Variants in STAMBP observed in about 807,000 individuals in gnomAD.
STAMBP encodes the protein STAM binding protein.
Under a neutral mutation model 50.7 loss-of-function variants are expected in STAMBP, and 31 were observed. That is an observed-to-expected ratio of 0.61 (90% CI 0.46 to 0.83). STAMBP has a LOEUF of 0.83. Ranked by LOEUF, STAMBP falls within the 40% of genes least tolerant of loss-of-function variation. STAMBP has a pLI of 0.00. For missense variants in STAMBP, 472 were observed against 518.9 expected (o/e 0.91, Z 0.88); for synonymous variants, 211 against 192.4 (o/e 1.10, Z -0.80).
Position 73,863,817 on chromosome 2 carries a change from G to T in STAMBP, c.*1558G>T, listed in dbSNP as rs114449641. ...TTAGGGCTTTCTTACCTTTTATTTC[G>T]ACTGTAGCCGTTGGCTTTTACCAAG... On this transcript the variant is annotated 3_prime_UTR_variant, in exon 10 of 10. Transcript: ENST00000394070. 2,433 of 152,200 alleles carry T rather than the reference G, an allele frequency of 0.016. 30 individuals carry two copies. Among genetic ancestry groups the T allele is most frequent in the South Asian group, 0.031 (148 of 4,826 alleles). The allele number at this position is 152,200 out of a possible 1,614,324, so 9.4% of individuals were successfully genotyped here. A position where few individuals can be genotyped will look rare whatever the true frequency, so the allele number is the denominator to read the frequency against.
intron 2 of STAMBP, among the ~76,000 whole-genome samples, chr2:73,838,297 G>T (rs751848054): frequency 1.3e-5 from 2 of 152,172 alleles, no homozygotes; most frequent in Non-Finnish European, 2.9e-5. Context: ...GGATGTGACT[G>T]GTTCCAATGA....
chr2:73,852,686 T>A (rs935557018), intron 7 of STAMBP, among the ~76,000 whole-genome samples: 2 of 152,142 alleles, frequency 1.3e-5, no homozygotes, highest in Admixed American at 6.5e-5. Flanking sequence ...TCTTTTGTTT[T>A]GTTTTGTTTT....
chr2:73,835,019 C>G (rs1674541861), intron 2 of STAMBP, among the ~76,000 whole-genome samples: 1 of 152,048 alleles, frequency 6.6e-6, no homozygotes, highest in Non-Finnish European at 1.5e-5. Flanking sequence ...AGGGTAACAG[C>G]AAGCCATTGA....
chr2:73,849,215 G>T, intron 5 of STAMBP, 148 bp from the exon 6 acceptor site: 4 of 1,106,102 alleles, frequency 3.6e-6, no homozygotes, highest in African/African-American at 1.6e-5. Context: ...CCTTTTTTTG[G>T]TGCCATTAGA....
At chr2:73,873,453 A>G (rs1383495438) in exon 11 of STAMBP, 1 of 152,242 alleles carries the variant, frequency 6.6e-6, no homozygotes, top group African/African-American at 2.4e-5. Flanking sequence ...TTTCTGTATA[A>G]GCAAATTTAG....
chr2:73,859,179 G>T, intron 7 of STAMBP, 75 bp from the exon 8 acceptor site: 1 of 1,209,298 alleles, frequency 8.3e-7, no homozygotes, highest in South Asian at 1.2e-5. Flanking sequence ...TTAAACCTCA[G>T]AAAGGGAATC....
At chr2:73,833,872 C>A (rs1479173847) in intron 2 of STAMBP, among the ~76,000 whole-genome samples, 2 of 151,896 alleles carry the variant, frequency 1.3e-5, no homozygotes, top group Non-Finnish European at 1.5e-5. Context: ...ATACAGCTGA[C>A]CCCTGAACAA....
chr2:73,858,616 A>G (rs2104668260), intron 7 of STAMBP, among the ~76,000 whole-genome samples: 1 of 152,290 alleles, frequency 6.6e-6, no homozygotes, highest in Non-Finnish European at 1.5e-5. Context: ...TCAAGTGTAT[A>G]ATACATTGTG....
At chr2:73,831,106 C>A in intron 2 of STAMBP, 47 bp downstream of exon 2, 1 of 1,524,352 alleles carries the variant, frequency 6.6e-7, no homozygotes, top group Non-Finnish European at 9.1e-7. Flanking sequence ...ACTGGTGCCT[C>A]GCCTATTTGG....
chr2:73,841,519 A>G (rs995858459), intron 2 of STAMBP, among the ~76,000 whole-genome samples: 8 of 152,246 alleles, frequency 5.3e-5, no homozygotes, highest in African/African-American at 1.7e-4. Context: ...TGGACAGGAT[A>G]TCAGCCATGT....
intron 7 of STAMBP, among the ~76,000 whole-genome samples, chr2:73,855,198 G>A (rs1390297731): frequency 3.3e-5 from 5 of 152,174 alleles, no homozygotes; most frequent in Non-Finnish European, 1.5e-5. Context: ...ATGTTTCAGC[G>A]CTATCTGAGC....
intron 2 of STAMBP, among the ~76,000 whole-genome samples, chr2:73,843,402 GTATGTATATATATA>G (rs1036786584): frequency 4.9e-5 from 6 of 121,802 alleles, no homozygotes; most frequent in South Asian, 2.3e-4. Context: ...ATATGTTTGT[GTATGTATATATATA>G]TATGTATATA....
rs1470930146 is a variant in STAMBP at position 73,839,967 on chromosome 2, A to G, written c.204-4846A>G. Reference sequence around the variant, plus strand: ...CCAGATTCATGGCTCACTCTTGTCTAGTCCTTACTCAAATGCCTCCTTCTT... The same window carrying G: ...CCAGATTCATGGCTCACTCTTGTCTGGTCCTTACTCAAATGCCTCCTTCTT... On this transcript the variant is annotated intron_variant, in intron 2 of 9. Coordinates refer to ENST00000394070, the MANE Select transcript of STAMBP (RefSeq NM_213622.4). 4.6e-5 allele frequency among the ~76,000 whole-genome samples: 7 copies of G among 152,222 alleles called. 1 individual carries two copies. The highest frequency in any genetic ancestry group is 4.6e-4 in the Admixed American group (7 of 15,290).
intron 2 of STAMBP, among the ~76,000 whole-genome samples, chr2:73,843,424 A>G (rs968749196): frequency 6.8e-6 from 1 of 146,256 alleles, no homozygotes; most frequent in Non-Finnish European, 1.5e-5. Flanking sequence ...ATATATGTAT[A>G]TATATATATA....
chr2:73,872,649 C>A (rs1480544908), intron 10 of STAMBP, among the ~76,000 whole-genome samples: 2 of 152,302 alleles, frequency 1.3e-5, no homozygotes, highest in East Asian at 1.9e-4. Context: ...GTTGAGGGAA[C>A]CCAAGTGAGG....
rs56684009 is a variant in STAMBP at position 73,852,917 on chromosome 2, GGTGTGTGT to G, written c.1005+2435_1005+2442del. On this transcript the variant is annotated intron_variant, in intron 7 of 9. Coordinates refer to ENST00000394070, the MANE Select transcript of STAMBP (RefSeq NM_213622.4). ...AGACTGGGTTTCACTATGTTGGCCA[GGTGTGTGT>G]GTGTGTGTGTGTGTGTGTGTGTGTG... Among the ~76,000 whole-genome samples, 828 of 122,850 alleles carry G rather than the reference GGTGTGTGT, an allele frequency of 6.7e-3. 37 individuals are homozygous for G. The highest frequency in any genetic ancestry group is 0.06 in the Admixed American group (740 of 12,432). The allele number at this position is 122,850 out of a possible 152,430, so 80.6% of individuals were successfully genotyped here.
At chr2:73,860,370 C>T (rs934383565) in intron 9 of STAMBP, among the ~76,000 whole-genome samples, 2 of 152,174 alleles carry the variant, frequency 1.3e-5, no homozygotes, top group African/African-American at 4.8e-5. Flanking sequence ...GGCTACTTAC[C>T]GTTCCTGGGC....
intron 2 of STAMBP, among the ~76,000 whole-genome samples, chr2:73,842,184 C>T (rs550862148): frequency 1.3e-5 from 2 of 152,200 alleles, no homozygotes; most frequent in South Asian, 4.1e-4. Context: ...CAAATAATGT[C>T]GTTTTGTCCA....
chr2:73,832,025 A>G (rs1416697852), intron 2 of STAMBP, among the ~76,000 whole-genome samples: 1 of 147,674 alleles, frequency 6.8e-6, no homozygotes, highest in African/African-American at 2.5e-5. Flanking sequence ...GATCATAGTC[A>G]TGAGCCACAC....
Sources: gnomAD v4.1 joint callset for allele counts (sites outside exome capture counted in the v4.1 genomes callset) on GRCh38, gnomAD v4.1.1 for gene constraint, MANE v1.5 for transcripts, NCBI Gene and HGNC (gene_info 2026-07-23, HGNC 2026-07-21) for gene names.